SASH3: variants seen among roughly 807,000 people sequenced by gnomAD.
SASH3 encodes the protein SAM and SH3 domain-containing protein 3.
SASH3 carries 7 observed loss-of-function variants against 26.1 expected under a neutral mutation model. The observed-to-expected ratio is 0.27, with a 90% confidence interval of 0.15 to 0.50. The LOEUF (loss-of-function observed/expected upper bound fraction) is 0.50, where lower values mean the gene tolerates loss of function less well. SASH3 is among the 20% of genes least tolerant of loss of function. The probability of loss-of-function intolerance (pLI) is 0.98; values close to 1 mark genes in which losing one functional copy is unlikely to be tolerated. For missense variants in SASH3, 231 were observed against 318.3 expected, an observed-to-expected ratio of 0.73 and a Z score of 2.09; for synonymous variants, 138 against 136.8, an observed-to-expected ratio of 1.01 and a Z score of -0.06.
intron 7 of SASH3, 102 bp downstream of exon 7, chrX:129,793,241 G>A (rs907525514): frequency 2.2e-6 from 2 of 917,955 alleles, no homozygotes; most frequent in Admixed American, 2.6e-5. Context: ...CTCTGCCCTA[G>A]GACTGCTCTG....
At chrX:129,782,381 G>A (rs1927033643) in intron 1 of SASH3, among the ~76,000 whole-genome samples, 1 of 112,311 alleles carries the variant, frequency 8.9e-6, no homozygotes, top group African/African-American at 3.2e-5. Flanking sequence ...CTGGCACAGA[G>A]AACACAAGAC....
At position 129,793,562 on chromosome X, in the gene SASH3, A is replaced by G. The variant is rs1927271247; in HGVS notation, c.953-80A>G. On this transcript the variant is annotated intron_variant, in intron 7 of 7. Transcript: ENST00000356892. ...GGCAGGGCGGTGGCAGGTGCCCAGA[A>G]GGAGAGACTGCCTATGGTGTATTTC... is the stretch of plus-strand genomic sequence containing the variant. 1.2e-5 allele frequency: 12 copies of G among 1,035,871 alleles called. No homozygotes were observed. In the East Asian group the frequency reaches 3.5e-4, roughly 30 times the overall value. 85.4% of individuals were successfully genotyped at this position (1,035,871 alleles called of 1,213,427 possible).
rs376721485 is a variant in SASH3 at position 129,779,981 on chromosome X, G to T, written c.-117G>T. 2.6e-5 allele frequency: 17 copies of T among 660,594 alleles called. No homozygotes were observed. The African/African-American group carries it at 3.3e-4, about 13-fold the overall frequency. 54.4% of individuals were successfully genotyped at this position (660,594 alleles called of 1,213,427 possible). On this transcript the variant is annotated 5_prime_UTR_variant, in exon 1 of 8. Transcript: ENST00000356892. ...AGCTGCCACTGCAGCAGTCAGAGTG[G>T]CAGCTGAAGGCTCGGTTCATGCCGT... is the stretch of plus-strand genomic sequence containing the variant.
chrX:129,781,079 A>G (rs1927007746), intron 1 of SASH3, among the ~76,000 whole-genome samples: 1 of 112,471 alleles, frequency 8.9e-6, no homozygotes, highest in Non-Finnish European at 1.9e-5. Flanking sequence ...CCAGACAATC[A>G]GCAAGTATAT....
chrX:129,787,957 C>T lies in SASH3; in HGVS notation c.58-18C>T. ...CAGCCATTTAGCCCACTGATTGCAA[C>T]ACCCACCCTTTTTCCAGCTCTCCCT... is the stretch of plus-strand genomic sequence containing the variant. On this transcript the variant is annotated intron_variant, in intron 1 of 7. Transcript: ENST00000356892. The T allele has an allele frequency of 8.4e-7, 1 of 1,194,603 alleles. No homozygotes were observed. Among genetic ancestry groups the T allele is most frequent in the Non-Finnish European group, 1.1e-6 (1 of 880,674 alleles).
intron 1 of SASH3, 82 bp downstream of exon 1, chrX:129,780,236 G>A (rs1926991830): frequency 2.1e-6 from 2 of 945,640 alleles, no homozygotes; most frequent in East Asian, 3.3e-5. Context: ...GAAGTGGGAA[G>A]AGCCAAAGGC....
At chrX:129,784,628 C>G (rs766795046) in intron 1 of SASH3, among the ~76,000 whole-genome samples, 66 of 111,639 alleles carry the variant, frequency 5.9e-4, no homozygotes, top group African/African-American at 2.1e-3. Flanking sequence ...AGAAACATAC[C>G]CAGTTTACAC....
intron 3 of SASH3, among the ~76,000 whole-genome samples, chrX:129,789,667 G>A (rs1383480343): frequency 9.0e-6 from 1 of 111,521 alleles, no homozygotes; most frequent in Admixed American, 9.5e-5. Flanking sequence ...AGAGAAAACA[G>A]AGAAGGCTGG....
chrX:129,786,050 C>T (rs1927101008), intron 1 of SASH3, among the ~76,000 whole-genome samples: 1 of 111,642 alleles, frequency 9.0e-6, no homozygotes, highest in Non-Finnish European at 1.9e-5. Context: ...GGAGGAGATG[C>T]AGGTGAACCA....
intron 1 of SASH3, 68 bp downstream of exon 1, chrX:129,780,222 C>T: frequency 1.9e-6 from 2 of 1,044,947 alleles, no homozygotes; most frequent in African/African-American, 1.9e-5. Context: ...TTCCAAGACT[C>T]TTGGAAGTGG....
Position 129,793,910 on chromosome X carries a change from C to A in SASH3, c.*78C>A. ...GTGGGCCCAGCCTCCCGTGGTGGCC[C>A]AGGTCCTGAGGACTGGCACTGAGCC... is the stretch of plus-strand genomic sequence containing the variant. On this transcript the variant is annotated 3_prime_UTR_variant, in exon 8 of 8. Coordinates refer to ENST00000356892, the MANE Select transcript of SASH3 (RefSeq NM_018990.4). 1 of 983,929 alleles carries A rather than the reference C, an allele frequency of 1.0e-6. No homozygotes were observed. Among genetic ancestry groups the A allele is most frequent in the Non-Finnish European group, 1.4e-6 (1 of 720,335 alleles). The allele number at this position is 983,929 out of a possible 1,213,427, so 81.1% of individuals were successfully genotyped here. A position where few individuals can be genotyped will look rare whatever the true frequency, so the allele number is the denominator to read the frequency against.
intron 1 of SASH3, among the ~76,000 whole-genome samples, chrX:129,785,745 G>A (rs1350291436): frequency 2.7e-5 from 3 of 111,881 alleles, no homozygotes; most frequent in Non-Finnish European, 3.8e-5. Context: ...TTTCAGGGGC[G>A]ACTCTTAGCC....
In SASH3 at chrX:129,793,987, C is replaced by T. The variant is rs189699014; in HGVS notation, c.*155C>T. 1.9e-5 allele frequency: 10 copies of T among 525,255 alleles called. No homozygotes were observed. The African/African-American group carries it at 2.1e-4, about 11-fold the overall frequency. The allele number at this position is 525,255 out of a possible 1,213,427, so 43.3% of individuals were successfully genotyped here. A position where few individuals can be genotyped will look rare whatever the true frequency, so the allele number is the denominator to read the frequency against. ...GGGCCACAGAGGCCAGGCCAGGGCC[C>T]TACAGGTTCCAGGCTCAGCTGGAGT... is the stretch of plus-strand genomic sequence containing the variant. On this transcript the variant is annotated 3_prime_UTR_variant, in exon 8 of 8. Transcript: ENST00000356892.
chrX:129,792,265 C>T, intron 4 of SASH3, 63 bp from the exon 5 acceptor site: 1 of 1,136,944 alleles, frequency 8.8e-7, no homozygotes, highest in Admixed American at 2.7e-5. Context: ...AAGGCACCTG[C>T]TAGGCACTGT....
intron 1 of SASH3, among the ~76,000 whole-genome samples, chrX:129,783,015 G>T (rs1480986523): frequency 9.0e-6 from 1 of 111,731 alleles, no homozygotes; most frequent in African/African-American, 3.3e-5. Flanking sequence ...CCCTAAGGAT[G>T]CTCCTACTCT....
chrX:129,783,030 C>T (rs1044082588), intron 1 of SASH3, among the ~76,000 whole-genome samples: 12 of 111,758 alleles, frequency 1.1e-4, no homozygotes, highest in African/African-American at 3.9e-4. Context: ...TACTCTACCA[C>T]ATCCCCACTT....
rs898599826 is a variant in SASH3, at chrX:129,792,668, C to A, written c.633C>A (p.Gly211=). 8.3e-7 allele frequency: 1 copy of A among 1,209,482 alleles called. No homozygotes were observed. The highest frequency in any genetic ancestry group is 1.7e-5 in the African/African-American group (1 of 57,337). ...AGATCATTGAAAAGCCACCTGTGGG[C>A]ACGTGGCTGGGCCTACTCAATGGCA... is the stretch of plus-strand genomic sequence containing the variant. ...VIQIIEKPPV[G]TWLGLLNGKV... Residue 211 remains glycine, a synonymous_variant, in exon 6 of 8, where the codon GGC becomes GGA. Coordinates refer to ENST00000356892, the MANE Select transcript of SASH3 (RefSeq NM_018990.4).
Position 129,792,696 on chromosome X carries a change from G to A in SASH3, c.661G>A (p.Val221Met), listed in dbSNP as rs746630084. The A allele has an allele frequency of 2.7e-5, 33 of 1,209,919 alleles. No homozygotes were observed. The highest frequency in any genetic ancestry group is 4.6e-4 in the Middle Eastern group (2 of 4,376). Residue 221 changes from valine (V) to methionine (M), a missense_variant, in exon 6 of 8, where the codon GTG (valine) becomes ATG (methionine). Coordinates refer to ENST00000356892, the MANE Select transcript of SASH3 (RefSeq NM_018990.4). ...GTGGCTGGGCCTACTCAATGGCAAG[G>A]TGGGCTCTTTCAAATTCATCTATGT... ...GTWLGLLNGK[V>M]GSFKFIYVDV...
Position 129,793,757 on chromosome X carries a change from G to A in SASH3, c.1068G>A (p.Glu356=), listed in dbSNP as rs745834753. 10 of 1,208,807 alleles carry A rather than the reference G, an allele frequency of 8.3e-6. No homozygotes were observed. The East Asian group carries it at 3.0e-4, about 36-fold the overall frequency. The change falls in exon 8 of 8, where the codon GAG becomes GAA. Residue 356 remains glutamate, a synonymous_variant. Coordinates refer to ENST00000356892, the MANE Select transcript of SASH3 (RefSeq NM_018990.4). The part of the protein sequence containing the change: ...PRDSGCFEGS[E]SGRDDAELAG... Reference sequence around the variant, plus strand: ...ACTCAGGCTGCTTTGAGGGCTCGGAGAGCGGGCGCGATGACGCAGAGCTGG... The same window carrying A: ...ACTCAGGCTGCTTTGAGGGCTCGGAAAGCGGGCGCGATGACGCAGAGCTGG...
Sources: allele counts gnomAD v4.1 joint callset (sites outside exome capture counted in the v4.1 genomes callset), GRCh38; gene constraint gnomAD v4.1.1; transcripts MANE v1.5; gene names NCBI Gene and HGNC (gene_info 2026-07-23, HGNC 2026-07-21).